The following NTRK3 variants were observed in gnomAD, a reference collection of about 807,000 sequenced individuals.
NTRK3 encodes the protein NT-3 growth factor receptor.
Under a neutral mutation model 91.7 loss-of-function variants are expected in NTRK3, and 24 were observed. That is an observed-to-expected ratio of 0.26 (90% CI 0.19 to 0.37). The LOEUF (loss-of-function observed/expected upper bound fraction) is 0.37, where lower values mean the gene tolerates loss of function less well. Among genes scored for constraint, NTRK3 ranks in the 10% least tolerant of loss-of-function variants. NTRK3 has a pLI of 1.00. For synonymous variants in NTRK3, 483 were observed against 404.0 expected (o/e 1.20, Z -2.34); for missense variants, 880 against 1,068.9 (o/e 0.82, Z 2.46).
At chr15:88,232,999 C>T (rs148047114) in intron 3 of NTRK3, among the ~76,000 whole-genome samples, 5 of 152,142 alleles carry the variant, frequency 3.3e-5, no homozygotes, top group Non-Finnish European at 7.3e-5. Flanking sequence ...ACCCTCCCCC[C>T]AGCCCAGAGC....
chr15:87,974,981 G>C (rs2073599902), intron 14 of NTRK3, among the ~76,000 whole-genome samples: 1 of 152,122 alleles, frequency 6.6e-6, no homozygotes, highest in African/African-American at 2.4e-5. Flanking sequence ...AAAGCATTTT[G>C]AGGTGTCAGG....
At chr15:88,129,846 C>A (rs1176289068) in intron 10 of NTRK3, among the ~76,000 whole-genome samples, 1 of 152,130 alleles carries the variant, frequency 6.6e-6, no homozygotes, top group Non-Finnish European at 1.5e-5. Flanking sequence ...GAAACTGTAA[C>A]CCCTAGTACT....
chr15:87,903,955 C>T (rs2066600277), intron 17 of NTRK3, among the ~76,000 whole-genome samples: 1 of 152,160 alleles, frequency 6.6e-6, no homozygotes, highest in South Asian at 2.1e-4. Context: ...GGCTGGAAAA[C>T]ACTCGCATGC....
intron 17 of NTRK3, among the ~76,000 whole-genome samples, chr15:87,889,396 C>CTTTTTTTTTTTTTTT (rs568030482): frequency 1.0e-5 from 1 of 95,630 alleles, no homozygotes; most frequent in African/African-American, 4.9e-5. Flanking sequence ...TTATTAGTTC[C>CTTTTTTTTTTTTTTT]TTTTTTTTTT....
intron 14 of NTRK3, chr15:87,979,349 A>C (rs2073997872): frequency 6.2e-7 from 1 of 1,610,620 alleles, no homozygotes; most frequent in Non-Finnish European, 8.5e-7. Context: ...GAGTTTTTAA[A>C]AGCCATGACG....
chr15:88,092,552 T>C (rs1266382643), intron 13 of NTRK3, among the ~76,000 whole-genome samples: 1 of 152,196 alleles, frequency 6.6e-6, no homozygotes, highest in South Asian at 2.1e-4. Flanking sequence ...TTTGTCCCAA[T>C]AGTATGAAGG....
At chr15:87,983,966 C>T (rs1471722830) in intron 14 of NTRK3, among the ~76,000 whole-genome samples, 1 of 152,134 alleles carries the variant, frequency 6.6e-6, no homozygotes, top group South Asian at 2.1e-4. Flanking sequence ...TCACCCCCAC[C>T]CTCACAATGA....
At chr15:88,054,212 T>C (rs2045486023) in intron 13 of NTRK3, among the ~76,000 whole-genome samples, 1 of 152,226 alleles carries the variant, frequency 6.6e-6, no homozygotes, top group Admixed American at 6.5e-5. Flanking sequence ...TGAATGCCTA[T>C]TGCGAGCAAA....
At chr15:87,984,946 G>C (rs148985849) in intron 14 of NTRK3, among the ~76,000 whole-genome samples, 27 of 152,210 alleles carry the variant, frequency 1.8e-4, no homozygotes, top group African/African-American at 4.8e-4. Flanking sequence ...TTGCATTTGA[G>C]ATTCAAACTG....
In NTRK3 at chr15:88,234,781, C is replaced by A. The variant is rs143949402; in HGVS notation, c.248+21125G>T. 6.6e-6 allele frequency among the ~76,000 whole-genome samples: 1 copy of A among 152,310 alleles called. No individual in the cohort carries two copies. Among genetic ancestry groups the A allele is most frequent in the East Asian group, 1.9e-4 (1 of 5,184 alleles). ...TCTGGGACTTCCTATTTTGCTAGGA[C>A]TAAAATCTAACCCCTTCCCACAGCC... On this transcript the variant is annotated intron_variant, in intron 3 of 18. Coordinates refer to ENST00000394480, the Ensembl canonical transcript of NTRK3. The surrounding 1 kb of genome is among the most constrained non-coding windows in gnomAD (Gnocchi z 6.1).
In NTRK3 at chr15:88,171,270, G is replaced by A. The variant is rs74027789; in HGVS notation, c.395+12148C>T. Among the ~76,000 whole-genome samples the A allele has an allele frequency of 2.6e-3, 399 of 152,216 alleles. 1 individual carries two copies. The highest frequency in any genetic ancestry group is 5.4e-3 in the African/African-American group (225 of 41,546). ...CCCTTTTTTCTATCTCAATTTCCTC[G>A]TTGAGAATAACAGTAATACACTGAC... On this transcript the variant is annotated intron_variant, in intron 5 of 18. Transcript: ENST00000394480.
At chr15:88,159,005 C>T (rs2044185110) in intron 5 of NTRK3, among the ~76,000 whole-genome samples, 2 of 152,202 alleles carry the variant, frequency 1.3e-5, no homozygotes, top group Non-Finnish European at 2.9e-5. Context: ...AGAGGTACAG[C>T]TGCAGGCCAA....
intron 12 of NTRK3, among the ~76,000 whole-genome samples, 196 bp from the exon 13 acceptor site, chr15:88,126,569 C>T (rs2053308077): frequency 6.6e-6 from 1 of 151,994 alleles, no homozygotes; most frequent in Non-Finnish European, 1.5e-5. Context: ...TATAAATTAC[C>T]CAATTTGATT....
chr15:88,073,577 C>A (rs770371309), intron 13 of NTRK3, among the ~76,000 whole-genome samples: 33 of 152,168 alleles, frequency 2.2e-4, no homozygotes, highest in Non-Finnish European at 4.1e-4. Flanking sequence ...AAAGAAAACC[C>A]AGAGTGCTTT....
At chr15:88,193,012 T>C (rs1156726921) in intron 3 of NTRK3, among the ~76,000 whole-genome samples, 1 of 152,206 alleles carries the variant, frequency 6.6e-6, no homozygotes, top group Non-Finnish European at 1.5e-5. Flanking sequence ...CCATAATGCA[T>C]GAGAACAGAG....
chr15:88,122,364 A>G (rs989662711), intron 13 of NTRK3, among the ~76,000 whole-genome samples: 1 of 152,176 alleles, frequency 6.6e-6, no homozygotes, highest in Non-Finnish European at 1.5e-5. Context: ...GGAGACAGCC[A>G]TGAGGGGAGA....
chr15:88,160,524 G>T (rs894988595), intron 5 of NTRK3, among the ~76,000 whole-genome samples: 30 of 152,180 alleles, frequency 2.0e-4, no homozygotes, highest in African/African-American at 7.2e-4. Context: ...CTCCTGCCCT[G>T]CCCCTTTTCC....
chr15:88,038,281 G>A (rs147983130), intron 13 of NTRK3, among the ~76,000 whole-genome samples: 6 of 152,302 alleles, frequency 3.9e-5, no homozygotes, highest in African/African-American at 7.2e-5. Context: ...AAAGAGCATC[G>A]CACCATCAGA....
rs1416112579 is a variant in NTRK3 at position 87,949,913 on chromosome 15, T to C, written c.1586-9160A>G. ...GGCTCCGACTGAGAATGTGTCCCTC[T>C]GACAACTTGCTGGGCCCCCTCCTTC... On this transcript the variant is annotated intron_variant, in intron 14 of 18. Coordinates refer to ENST00000394480, the Ensembl canonical transcript of NTRK3. 2.0e-5 allele frequency among the ~76,000 whole-genome samples: 3 copies of C among 152,196 alleles called. No individual in the cohort carries two copies. In the East Asian group the frequency reaches 5.8e-4, roughly 29 times the overall value.
Sources: gnomAD v4.1 joint callset for allele counts (sites outside exome capture counted in the v4.1 genomes callset) on GRCh38, gnomAD v4.1.1 for gene constraint, Gnocchi (gnomAD v3.1) non-coding constraint, MANE v1.5 for transcripts, NCBI Gene and HGNC (gene_info 2026-07-23, HGNC 2026-07-21) for gene names.